The following CLYBL variants were observed in gnomAD, a reference collection of about 807,000 sequenced individuals.
CLYBL encodes the protein citramalyl-CoA lyase.
Under a neutral mutation model 38.9 loss-of-function variants are expected in CLYBL, and 31 were observed. The ratio of observed to expected loss-of-function variants is 0.80; its 90% CI spans 0.60 to 1.08. The LOEUF (loss-of-function observed/expected upper bound fraction) is 1.08, where lower values mean the gene tolerates loss of function less well. Ranked by LOEUF, CLYBL falls within the 50% of genes least tolerant of loss-of-function variation. CLYBL has a pLI of 0.00. For synonymous variants in CLYBL, 171 were observed against 158.6 expected, an observed-to-expected ratio of 1.08 and a Z score of -0.59; for missense variants, 434 against 411.6, an observed-to-expected ratio of 1.05 and a Z score of -0.47.
At chr13:99,609,823 A>G (rs1329145915) in intron 1 of CLYBL, among the ~76,000 whole-genome samples, 1 of 152,242 alleles carries the variant, frequency 6.6e-6, no homozygotes, top group Admixed American at 6.5e-5. Flanking sequence ...GGCATGAGCC[A>G]TCATGCCCGG....
chr13:99,680,656 G>A (rs1052834556), intron 1 of CLYBL, among the ~76,000 whole-genome samples: 2 of 152,166 alleles, frequency 1.3e-5, no homozygotes, highest in African/African-American at 4.8e-5. Context: ...ATCACAGAAT[G>A]GCCCACCAGG....
intron 1 of CLYBL, among the ~76,000 whole-genome samples, chr13:99,618,741 A>G (rs553335079): frequency 5.3e-5 from 8 of 151,890 alleles, no homozygotes; most frequent in African/African-American, 1.9e-4. Flanking sequence ...CCTGGTAACC[A>G]CCATTCTCAT....
At chr13:99,608,672 G>A (rs1393353008) in intron 1 of CLYBL, among the ~76,000 whole-genome samples, 1 of 152,040 alleles carries the variant, frequency 6.6e-6, no homozygotes, top group African/African-American at 2.4e-5. Flanking sequence ...CTCCTCACCC[G>A]CCTTAGCACA....
intron 2 of CLYBL, among the ~76,000 whole-genome samples, chr13:99,841,812 C>CTTT (rs67827288): frequency 8.5e-5 from 9 of 105,386 alleles, no homozygotes; most frequent in Non-Finnish European, 1.4e-4. Flanking sequence ...TTTTCTTTTC[C>CTTT]TTTTTTTTTT....
At position 99,888,556 on chromosome 13, in the gene CLYBL, C is replaced by G. The variant is rs549454349; in HGVS notation, c.928-2762C>G. Among the ~76,000 whole-genome samples, 102 of 152,158 alleles carry G rather than the reference C, an allele frequency of 6.7e-4. 1 individual carries two copies. Among genetic ancestry groups the G allele is most frequent in the African/African-American group, 2.4e-3 (99 of 41,518 alleles). ...GCTGAGGCCAGGAGTTCGAGACCAGCCTGGACAACATGGTGAAACCCAGTC... is the reference window on the plus strand; with the variant it reads ...GCTGAGGCCAGGAGTTCGAGACCAGGCTGGACAACATGGTGAAACCCAGTC... On this transcript the variant is annotated intron_variant, in intron 7 of 8. Coordinates refer to ENST00000339105, the MANE Select transcript of CLYBL (RefSeq NM_206808.5).
chr13:99,707,717 T>C (rs2048167524), intron 1 of CLYBL, among the ~76,000 whole-genome samples: 1 of 152,246 alleles, frequency 6.6e-6, no homozygotes, highest in Non-Finnish European at 1.5e-5. Context: ...TGACTTGGTG[T>C]GAGGGTATTG....
At chr13:99,796,283 G>A (rs2050020455) in intron 2 of CLYBL, among the ~76,000 whole-genome samples, 2 of 152,106 alleles carry the variant, frequency 1.3e-5, no homozygotes, top group Admixed American at 1.3e-4. Flanking sequence ...TCCTTCCTGG[G>A]TTTGGCTGGA....
At chr13:99,737,692 G>A (rs2048689893) in intron 1 of CLYBL, among the ~76,000 whole-genome samples, 1 of 152,184 alleles carries the variant, frequency 6.6e-6, no homozygotes, top group African/African-American at 2.4e-5. Flanking sequence ...AAGAAAAACA[G>A]AACTGTCAAG....
chr13:99,796,270 A>G (rs1397783932), intron 2 of CLYBL, among the ~76,000 whole-genome samples: 1 of 152,102 alleles, frequency 6.6e-6, no homozygotes, highest in Non-Finnish European at 1.5e-5. Context: ...GCACTAACAC[A>G]TCTCCTTCCT....
At chr13:99,752,867 T>A (rs1461697162) in intron 1 of CLYBL, among the ~76,000 whole-genome samples, 1 of 152,058 alleles carries the variant, frequency 6.6e-6, no homozygotes, top group Non-Finnish European at 1.5e-5. Flanking sequence ...TGTTCCTGTC[T>A]GGGACAGCCA....
intron 1 of CLYBL, among the ~76,000 whole-genome samples, chr13:99,683,625 A>AG (rs1761321121): frequency 6.6e-6 from 1 of 151,952 alleles, no homozygotes; most frequent in South Asian, 2.1e-4. Flanking sequence ...AGCTTGTCCC[A>AG]GTGGAAGGTC....
intron 1 of CLYBL, among the ~76,000 whole-genome samples, chr13:99,705,933 GT>G (rs541949877): frequency 1.4e-5 from 2 of 146,240 alleles, no homozygotes; most frequent in African/African-American, 2.5e-5. Flanking sequence ...TTTTTTTTTT[GT>G]TTTTTTTTGT....
chr13:99,770,187 A>G (rs2049356471), intron 1 of CLYBL, among the ~76,000 whole-genome samples: 1 of 148,468 alleles, frequency 6.7e-6, no homozygotes, highest in Non-Finnish European at 1.5e-5. Context: ...TCCCGGGTTC[A>G]AGGGATTCTC....
intron 7 of CLYBL, among the ~76,000 whole-genome samples, chr13:99,882,507 T>G (rs2052236574): frequency 6.6e-6 from 1 of 151,942 alleles, no homozygotes; most frequent in Non-Finnish European, 1.5e-5. Context: ...ATACAAAAAG[T>G]TAGCCAGGCT....
chr13:99,608,772 A>G (rs1594080231), intron 1 of CLYBL, among the ~76,000 whole-genome samples: 1 of 150,230 alleles, frequency 6.7e-6, no homozygotes, highest in East Asian at 2.0e-4. Context: ...GTATTATCGC[A>G]CTGTCTTTTT....
rs61281865 is a variant in CLYBL, at chr13:99,819,466, AT to A, written c.250-39394del. ...TATATATATATATATATATATATAT[AT>A]AATATTTGTCAGGGTTGTCTGGGGG... On this transcript the variant is annotated intron_variant, in intron 2 of 8. Transcript: ENST00000339105. Among the ~76,000 whole-genome samples the A allele has an allele frequency of 1.8e-3, 97 of 55,068 alleles. 6 individuals carry two copies. Among genetic ancestry groups the A allele is most frequent in the African/African-American group, 6.8e-3 (79 of 11,702 alleles). The allele number at this position is 55,068 out of a possible 152,430, so 36.1% of individuals were successfully genotyped here.
rs2049533821 is a variant in CLYBL at position 99,777,110 on chromosome 13, C to T, written c.249+4100C>T. Among the ~76,000 whole-genome samples, 3 of 152,020 alleles carry T rather than the reference C, an allele frequency of 2.0e-5. 1 individual carries two copies. Among genetic ancestry groups the T allele is most frequent in the South Asian group, 4.2e-4 (2 of 4,818 alleles). On this transcript the variant is annotated intron_variant, in intron 2 of 8. Transcript: ENST00000339105. ...GCCAGACTAGTCTCCAACTCCTGAC[C>T]TCAGGTGATCTGCCCACCTCCGCCT...
chr13:99,737,884 C>CT (rs530708087), intron 1 of CLYBL, among the ~76,000 whole-genome samples: 10 of 151,020 alleles, frequency 6.6e-5, no homozygotes, highest in East Asian at 1.9e-4. Flanking sequence ...TTTTTCTAAC[C>CT]TTTTTTTTTG....
intron 2 of CLYBL, among the ~76,000 whole-genome samples, chr13:99,850,795 GGATA>G (rs1421993569): frequency 6.6e-5 from 10 of 152,034 alleles, no homozygotes; most frequent in African/African-American, 2.4e-4. Flanking sequence ...ACAAATGAAT[GGATA>G]AACAAAATGT....
Sources: allele counts gnomAD v4.1 joint callset (sites outside exome capture counted in the v4.1 genomes callset), GRCh38; gene constraint gnomAD v4.1.1; transcripts MANE v1.5; gene names NCBI Gene and HGNC (gene_info 2026-07-23, HGNC 2026-07-21).